The following CFAP70 variants were observed in gnomAD, a reference collection of about 807,000 sequenced individuals.
CFAP70 encodes cilia and flagella associated protein 70, also known as cilia- and flagella-associated protein 70.
Under a neutral mutation model 137.6 loss-of-function variants are expected in CFAP70, and 81 were observed. That is an observed-to-expected ratio of 0.59 (90% CI 0.49 to 0.71). CFAP70 has a LOEUF of 0.71. Ranked by LOEUF, CFAP70 falls within the 30% of genes least tolerant of loss-of-function variation. CFAP70 has a pLI of 0.00. For synonymous variants in CFAP70, 382 were observed against 423.6 expected (o/e 0.90, Z 1.20); for missense variants, 976 against 1,226.7 (o/e 0.80, Z 3.05).
intron 12 of CFAP70, among the ~76,000 whole-genome samples, chr10:73,306,888 T>G (rs1184358869): frequency 6.6e-6 from 1 of 152,156 alleles, no homozygotes; most frequent in Non-Finnish European, 1.5e-5. Context: ...GTCAGTAACT[T>G]GAAGTCAGAT....
chr10:73,289,121 AT>A (rs2047962823), intron 19 of CFAP70, among the ~76,000 whole-genome samples: 2 of 152,134 alleles, frequency 1.3e-5, no homozygotes. Flanking sequence ...CTCAGGCTCT[AT>A]TTTATATTAA....
exon 27 of CFAP70, chr10:73,253,874 A>C: frequency 1.1e-6 from 1 of 893,654 alleles, no homozygotes; most frequent in East Asian, 2.6e-5. Context: ...TTTATAGTGA[A>C]GATTCTTTCG....
intron 15 of CFAP70, chr10:73,296,409 G>C (rs983446897): frequency 2.6e-5 from 4 of 152,340 alleles, no homozygotes; most frequent in Non-Finnish European, 2.9e-5. Context: ...GAAAAACAAG[G>C]AAGGGAAAAG....
At chr10:73,281,100 A>G (rs1365454833) in intron 19 of CFAP70, among the ~76,000 whole-genome samples, 1 of 151,778 alleles carries the variant, frequency 6.6e-6, no homozygotes, top group Non-Finnish European at 1.5e-5. Context: ...TTGTTTTGCT[A>G]TCATTATCAT....
Position 73,291,173 on chromosome 10 carries a change from C to T in CFAP70, c.2239+53G>A, listed in dbSNP as rs2048151967. The T allele has an allele frequency of 2.6e-6, 4 of 1,545,786 alleles. No individual in the cohort carries two copies. The South Asian group carries it at 3.4e-5, about 13-fold the overall frequency. ...AGGACTACAGGTGTGAGCCACCACA[C>T]CTGGCAGTAATTTTTCTAATAGCCA... On this transcript the variant is annotated intron_variant, in intron 19 of 26. Coordinates refer to ENST00000310715, the Ensembl canonical transcript of CFAP70.
At chr10:73,361,161 G>A (rs907170155), upstream of CFAP70, among the ~76,000 whole-genome samples, 1 of 151,996 alleles carries the variant, frequency 6.6e-6, no homozygotes, top group African/African-American at 2.4e-5. Context: ...ACCACGCCCG[G>A]CTAATTTTTG....
At chr10:73,263,680 A>G (rs1167313395) in intron 25 of CFAP70, among the ~76,000 whole-genome samples, 3 of 152,160 alleles carry the variant, frequency 2.0e-5, no homozygotes, top group Non-Finnish European at 4.4e-5. Flanking sequence ...GTTAACTTTG[A>G]TCATTTATTA....
intron 9 of CFAP70, among the ~76,000 whole-genome samples, chr10:73,316,815 G>C (rs1417770163): frequency 6.6e-6 from 1 of 151,904 alleles, no homozygotes; most frequent in Non-Finnish European, 1.5e-5. Context: ...CTAAAGAAGA[G>C]TAAAAATGAA....
Position 73,274,551 on chromosome 10 carries a change from C to T in CFAP70, c.2717G>A (p.Ser906Asn), listed in dbSNP as rs757266724. Reference sequence around the variant, plus strand: ...TGCCTTGGCCTCAGAATGATTTCCACTCAGAAAATAGAGATGGCCCTTCAG... The same window carrying T: ...TGCCTTGGCCTCAGAATGATTTCCATTCAGAAAATAGAGATGGCCCTTCAG... Residue 906 changes from serine to asparagine, a missense_variant, in exon 23 of 27, where the codon AGT (serine) becomes AAT (asparagine). Physicochemically the swap from Ser to Asn is conservative, Grantham distance 46. Transcript: ENST00000310715. The T allele has an allele frequency of 5.0e-6, 8 of 1,613,966 alleles. No homozygotes were observed. The African/African-American group carries it at 5.3e-5, about 11-fold the overall frequency.
chr10:73,356,730 T>C (rs2054710134), intron 1 of CFAP70, among the ~76,000 whole-genome samples: 1 of 152,244 alleles, frequency 6.6e-6, no homozygotes, highest in Admixed American at 6.5e-5. Context: ...ACAACTTCTT[T>C]GTCAAATGTA....
intron 3 of CFAP70, among the ~76,000 whole-genome samples, chr10:73,349,358 T>G (rs942812661): frequency 6.6e-6 from 1 of 151,762 alleles, no homozygotes; most frequent in Non-Finnish European, 1.5e-5. Flanking sequence ...GCTAACACAA[T>G]GAAACCCCAT....
intron 12 of CFAP70, among the ~76,000 whole-genome samples, chr10:73,302,883 C>CTTTTTTTTT (rs1554895440): frequency 7.6e-6 from 1 of 131,002 alleles, no homozygotes; most frequent in Non-Finnish European, 1.6e-5. Context: ...CTTTTCTTTT[C>CTTTTTTTTT]TTTTTTTTTT....
At chr10:73,329,523 C>T (rs555045246) in intron 8 of CFAP70, among the ~76,000 whole-genome samples, 1 of 151,328 alleles carries the variant, frequency 6.6e-6, no homozygotes, top group Non-Finnish European at 1.5e-5. Context: ...AACAAACAAA[C>T]AAAAAAACAG....
chr10:73,333,064 T>C (rs2052289485), intron 7 of CFAP70, among the ~76,000 whole-genome samples: 1 of 152,038 alleles, frequency 6.6e-6, no homozygotes, highest in Non-Finnish European at 1.5e-5. Context: ...TAAGCAGAGA[T>C]GGAAACTCTA....
chr10:73,311,792 G>T, intron 11 of CFAP70, 42 bp downstream of exon 12: 1 of 1,437,142 alleles, frequency 7.0e-7, no homozygotes. Context: ...ATAAAGGTCT[G>T]GTTAACTTAA....
chr10:73,286,159 C>A (rs113422823), intron 19 of CFAP70, among the ~76,000 whole-genome samples: 35 of 152,084 alleles, frequency 2.3e-4, no homozygotes, highest in African/African-American at 7.7e-4. Context: ...ATCTTCAAAT[C>A]CTTGGCCTGG....
chr10:73,345,300 T>C, intron 4 of CFAP70, 56 bp from the exon 6 acceptor site: 1 of 1,461,474 alleles, frequency 6.8e-7, no homozygotes, highest in Admixed American at 1.7e-5. Flanking sequence ...TCTTCCTTTT[T>C]TGCATTATCT....
intron 9 of CFAP70, among the ~76,000 whole-genome samples, chr10:73,322,267 A>T (rs1437489371): frequency 2.6e-5 from 4 of 152,152 alleles, no homozygotes; most frequent in Admixed American, 1.3e-4. Flanking sequence ...TTTTCCTCTC[A>T]TTCCTTTGTA....
chr10:73,263,246 C>T (rs554962217), intron 25 of CFAP70, among the ~76,000 whole-genome samples: 3 of 151,802 alleles, frequency 2.0e-5, no homozygotes, highest in Non-Finnish European at 4.4e-5. Context: ...ACTACAAGTG[C>T]CATCATGCCC....
Sources: gnomAD v4.1 joint callset for allele counts (sites outside exome capture counted in the v4.1 genomes callset) on GRCh38, gnomAD v4.1.1 for gene constraint, MANE v1.5 for transcripts, NCBI Gene and HGNC (gene_info 2026-07-23, HGNC 2026-07-21) for gene names.